Variants in KCNH8 observed in about 807,000 individuals in gnomAD.
The protein encoded by KCNH8 is potassium voltage-gated channel subfamily H member 8.
Under a neutral mutation model 103.6 loss-of-function variants are expected in KCNH8, and 70 were observed. That is an observed-to-expected ratio of 0.68 (90% CI 0.56 to 0.82). The LOEUF is 0.82. KCNH8 is among the 40% of genes least tolerant of loss of function. The pLI is 0.00. For missense variants in KCNH8, 1,217 were observed against 1,329.9 expected (o/e 0.92, Z 1.32); for synonymous variants, 498 against 489.4 (o/e 1.02, Z -0.23).
chr3:19,344,654 CAGAT>C lies in KCNH8; in HGVS notation c.570+1944_570+1947del, dbSNP rs764358750. 2.6e-3 allele frequency among the ~76,000 whole-genome samples: 395 copies of C among 152,046 alleles called. 3 individuals are homozygous for C. The highest frequency in any genetic ancestry group is 1.4e-3 in the Non-Finnish European group (95 of 67,968). On this transcript the variant is annotated intron_variant, in intron 4 of 15. Transcript: ENST00000328405. ...ATAACATAGTAGAATGGCTAAATGG[CAGAT>C]AGAAGGAAGGCAGAAGGGAGAAGAG...
chr3:19,374,390 T>C (rs1285074314), intron 5 of KCNH8, among the ~76,000 whole-genome samples: 2 of 151,796 alleles, frequency 1.3e-5, no homozygotes, highest in Non-Finnish European at 2.9e-5. Context: ...TTTTGATCTT[T>C]GTTGGTTTAA....
chr3:19,473,795 T>C (rs1044100278), intron 11 of KCNH8, among the ~76,000 whole-genome samples: 2 of 152,212 alleles, frequency 1.3e-5, no homozygotes, highest in Non-Finnish European at 2.9e-5. Context: ...TACATTTATG[T>C]AGAGGGATTG....
chr3:19,534,374 A>G lies in KCNH8; in HGVS notation c.*275A>G, dbSNP rs985900713. 6.7e-6 allele frequency: 3 copies of G among 444,562 alleles called. No homozygotes were observed. The highest frequency in any genetic ancestry group is 3.9e-5 in the Admixed American group (1 of 25,534). The allele number at this position is 444,562 out of a possible 1,614,324, so 27.5% of individuals were successfully genotyped here. On this transcript the variant is annotated 3_prime_UTR_variant, in exon 16 of 16. Transcript: ENST00000328405. ...ACAATCCAAAGACCCTGAGGGTCTG[A>G]GCAGCTAGAAGTCCTAGACAAAGAA...
intron 5 of KCNH8, among the ~76,000 whole-genome samples, chr3:19,371,870 T>A (rs1422567899): frequency 6.0e-5 from 9 of 150,660 alleles, no homozygotes; most frequent in Non-Finnish European, 1.0e-4. Context: ...AAATAGGGAA[T>A]CCTTTCCCCA....
intron 1 of KCNH8, among the ~76,000 whole-genome samples, chr3:19,242,467 T>C (rs930347811): frequency 7.2e-5 from 11 of 152,156 alleles, no homozygotes; most frequent in African/African-American, 2.7e-4. Context: ...ACTTTAAGCT[T>C]CCATAGTTCT....
At chr3:19,496,142 C>T (rs947334434) in intron 11 of KCNH8, among the ~76,000 whole-genome samples, 18 of 152,042 alleles carry the variant, frequency 1.2e-4, no homozygotes, top group African/African-American at 4.3e-4. Flanking sequence ...ATTGTCTGCA[C>T]ACAGGGATAT....
intron 3 of KCNH8, among the ~76,000 whole-genome samples, chr3:19,287,646 C>A (rs2064850484): frequency 6.6e-6 from 1 of 152,088 alleles, no homozygotes. Context: ...AGTGCAGTGG[C>A]ACAATCTCGG....
At chr3:19,302,662 T>C (rs1008984612) in intron 3 of KCNH8, among the ~76,000 whole-genome samples, 4 of 152,168 alleles carry the variant, frequency 2.6e-5, no homozygotes, top group Non-Finnish European at 4.4e-5. Context: ...TAGAAAGCCA[T>C]CTAATTCTTC....
rs2064996848 is a variant in KCNH8 at position 19,296,358 on chromosome 3, G to C, written c.442+15029G>C. On this transcript the variant is annotated intron_variant, in intron 3 of 15. Transcript: ENST00000328405. ...CAAAGCAGACACTCATATTAAGAATGCTTATGCAATGTGGGAGGTGAGCTG... is the reference window on the plus strand; with the variant it reads ...CAAAGCAGACACTCATATTAAGAATCCTTATGCAATGTGGGAGGTGAGCTG... Among the ~76,000 whole-genome samples, 5 of 152,212 alleles carry C rather than the reference G, an allele frequency of 3.3e-5. No homozygotes were observed. The South Asian group carries it at 1.0e-3, about 32-fold the overall frequency.
chr3:19,348,344 G>A (rs1186603228), intron 5 of KCNH8, among the ~76,000 whole-genome samples: 1 of 151,944 alleles, frequency 6.6e-6, no homozygotes, highest in Non-Finnish European at 1.5e-5. Flanking sequence ...TCCTTGACGT[G>A]TTCTTTCTCC....
At chr3:19,281,625 A>G (rs1226327868) in intron 3 of KCNH8, among the ~76,000 whole-genome samples, 2 of 152,126 alleles carry the variant, frequency 1.3e-5, no homozygotes, top group African/African-American at 4.8e-5. Context: ...ACTTCATTGT[A>G]TTAGGCAAAA....
chr3:19,148,788 C>T lies in KCNH8; in HGVS notation c.69C>T (p.Asp23=). Residue 23 remains aspartate, a synonymous_variant, in exon 1 of 16, where the codon GAC becomes GAT. Coordinates refer to ENST00000328405, the MANE Select transcript of KCNH8 (RefSeq NM_144633.3). ...TGGACACCATCGCCACCCGTTTTGA[C>T]GGAACACGTAAGTCTTACACTTGAA... The part of the protein sequence containing the change: ...TFLDTIATRF[D]GTHSNFILAN... 3 of 1,613,700 alleles carry T rather than the reference C, an allele frequency of 1.9e-6. No individual in the cohort carries two copies. The highest frequency in any genetic ancestry group is 2.5e-6 in the Non-Finnish European group (3 of 1,179,598).
chr3:19,232,483 T>G (rs1228948386), intron 1 of KCNH8, among the ~76,000 whole-genome samples: 1 of 152,226 alleles, frequency 6.6e-6, no homozygotes, highest in Non-Finnish European at 1.5e-5. Context: ...AATCTTATGC[T>G]TTAATGTCCA....
chr3:19,437,650 C>A (rs2067219492), intron 7 of KCNH8, among the ~76,000 whole-genome samples: 1 of 152,128 alleles, frequency 6.6e-6, no homozygotes, highest in Admixed American at 6.5e-5. Flanking sequence ...GATACCTGCC[C>A]AAGTGAATAC....
intron 5 of KCNH8, among the ~76,000 whole-genome samples, chr3:19,352,412 C>A (rs2065816194): frequency 6.6e-6 from 1 of 152,134 alleles, no homozygotes; most frequent in African/African-American, 2.4e-5. Flanking sequence ...CTCTCCACCC[C>A]AAATCAACAG....
chr3:19,458,908 G>A (rs565033202), intron 11 of KCNH8, among the ~76,000 whole-genome samples: 2 of 152,104 alleles, frequency 1.3e-5, no homozygotes, highest in Non-Finnish European at 2.9e-5. Flanking sequence ...TTTCATCCAT[G>A]TTGTGGCAAA....
intron 1 of KCNH8, among the ~76,000 whole-genome samples, chr3:19,208,977 A>G (rs1261175685): frequency 6.6e-6 from 1 of 152,016 alleles, no homozygotes; most frequent in African/African-American, 2.4e-5. Flanking sequence ...CAAAATCACA[A>G]GGATATATGT....
chr3:19,414,606 A>G (rs1345253302), intron 7 of KCNH8, among the ~76,000 whole-genome samples: 1 of 152,052 alleles, frequency 6.6e-6, no homozygotes, highest in Non-Finnish European at 1.5e-5. Flanking sequence ...GATTGAAAAT[A>G]AACCCAATGA....
chr3:19,428,093 C>T (rs1478672551), intron 7 of KCNH8, among the ~76,000 whole-genome samples: 1 of 152,160 alleles, frequency 6.6e-6, no homozygotes, highest in African/African-American at 2.4e-5. Flanking sequence ...AGATGTCCAC[C>T]CTTTGTTGTT....
Sources: allele counts gnomAD v4.1 joint callset (sites outside exome capture counted in the v4.1 genomes callset), GRCh38; gene constraint gnomAD v4.1.1; transcripts MANE v1.5; gene names NCBI Gene and HGNC (gene_info 2026-07-23, HGNC 2026-07-21).